The following WDR70 variants were observed in gnomAD, a reference collection of about 807,000 sequenced individuals.
WDR70 encodes the protein WD repeat domain 70.
WDR70 carries 53 observed loss-of-function variants against 88.6 expected under a neutral mutation model. The observed-to-expected ratio is 0.60, with a 90% CI of 0.48 to 0.75. The LOEUF (loss-of-function observed/expected upper bound fraction) is 0.75. Ranked by LOEUF, WDR70 falls within the 30% of genes least tolerant of loss-of-function variation. WDR70 has a pLI of 0.00. For synonymous variants in WDR70, 280 were observed against 270.0 expected (o/e 1.04, Z -0.36); for missense variants, 610 against 823.2 (o/e 0.74, Z 3.17).
chr5:37,644,410 A>G lies in WDR70; in HGVS notation c.1092+39172A>G, dbSNP rs1745181430. Among the ~76,000 whole-genome samples the G allele has an allele frequency of 2.0e-5, 3 of 151,994 alleles. No individual in the cohort carries two copies. In the South Asian group the frequency reaches 6.2e-4, roughly 32 times the overall value. On this transcript the variant is annotated intron_variant, in intron 10 of 17. Coordinates refer to ENST00000265107, the MANE Select transcript of WDR70 (RefSeq NM_018034.4). Reference sequence around the variant, plus strand: ...GTATTTTCTGGAGGGTTTTTGCATCAACATTCATCAGTGATATTGGCCCAT... The same window carrying G: ...GTATTTTCTGGAGGGTTTTTGCATCGACATTCATCAGTGATATTGGCCCAT...
chr5:37,407,105 C>T (rs1749377107), intron 5 of WDR70, among the ~76,000 whole-genome samples: 2 of 152,124 alleles, frequency 1.3e-5, no homozygotes, highest in African/African-American at 4.8e-5. Context: ...TTGCAGTGAG[C>T]CAGCCATGAT....
chr5:37,752,636 T>G lies in WDR70; in HGVS notation c.*63T>G, dbSNP rs1748849024. Reference sequence around the variant, plus strand: ...GGTATGGGACAGGTTTGGGTTTTTTTTTTATGCTCATGAAATTAAAAATTC... The same window carrying G: ...GGTATGGGACAGGTTTGGGTTTTTTGTTTATGCTCATGAAATTAAAAATTC... On this transcript the variant is annotated 3_prime_UTR_variant, in exon 18 of 18. Transcript: ENST00000265107. 8.5e-7 allele frequency: 1 copy of G among 1,174,616 alleles called. No homozygotes were observed. The highest frequency in any genetic ancestry group is 1.4e-5 in the South Asian group (1 of 70,582). 72.8% of individuals were successfully genotyped at this position (1,174,616 alleles called of 1,614,324 possible).
chr5:37,622,004 G>GT (rs1744519064), intron 10 of WDR70, among the ~76,000 whole-genome samples: 1 of 152,080 alleles, frequency 6.6e-6, no homozygotes, highest in African/African-American at 2.4e-5. Flanking sequence ...CCCATTTCTT[G>GT]TTTTTGTCAG....
chr5:37,738,317 A>ATG (rs1021673476), intron 17 of WDR70, among the ~76,000 whole-genome samples: 72 of 152,314 alleles, frequency 4.7e-4, no homozygotes, highest in African/African-American at 1.6e-3. Context: ...TCATGTGCTG[A>ATG]TGACTAAGTA....
At chr5:37,530,747 CTA>C (rs1388536226) in intron 9 of WDR70, among the ~76,000 whole-genome samples, 3 of 146,670 alleles carry the variant, frequency 2.0e-5, no homozygotes, top group African/African-American at 7.6e-5. Context: ...TTTCAATAAA[CTA>C]GCTTTTTGTT....
chr5:37,625,306 G>A (rs1744631088), intron 10 of WDR70, among the ~76,000 whole-genome samples: 1 of 152,064 alleles, frequency 6.6e-6, no homozygotes, highest in Non-Finnish European at 1.5e-5. Context: ...TAGTGTATGA[G>A]TTCCCTTTTC....
intron 8 of WDR70, among the ~76,000 whole-genome samples, chr5:37,505,534 C>A (rs1172649343): frequency 6.6e-6 from 1 of 152,002 alleles, no homozygotes; most frequent in Non-Finnish European, 1.5e-5. Flanking sequence ...AATTTTTTCC[C>A]TTATGCACCG....
intron 9 of WDR70, among the ~76,000 whole-genome samples, chr5:37,591,928 TC>T (rs1743541620): frequency 6.6e-6 from 1 of 152,328 alleles, no homozygotes; most frequent in South Asian, 2.1e-4. Flanking sequence ...AAAAGGTATA[TC>T]ATCATCTCAA....
At chr5:37,479,329 A>AC (rs1317086359) in intron 7 of WDR70, 1 of 151,602 alleles carries the variant, frequency 6.6e-6, no homozygotes, top group African/African-American at 2.4e-5. Flanking sequence ...AGAGAGAGCT[A>AC]CCAGAATAGC....
intron 9 of WDR70, among the ~76,000 whole-genome samples, chr5:37,600,981 C>G (rs1386881390): frequency 6.6e-6 from 1 of 152,054 alleles, no homozygotes. Context: ...ATAATGTTAA[C>G]AAAAAACAGA....
chr5:37,556,137 C>T, intron 9 of WDR70, among the ~76,000 whole-genome samples: 1 of 93,076 alleles, frequency 1.1e-5, no homozygotes, highest in Non-Finnish European at 2.7e-5. Flanking sequence ...GATTTTCTTC[C>T]TCTTTTTTTT....
intron 3 of WDR70, among the ~76,000 whole-genome samples, chr5:37,390,271 G>A (rs6889803): frequency 0.025 from 3,797 of 150,442 alleles, 155 homozygotes; most frequent in African/African-American, 0.088. Context: ...TATAGTGAAA[G>A]CAAGTTTATT....
chr5:37,707,715 GACCAGCCTGTCCAAC>G (rs1486889945), intron 13 of WDR70, among the ~76,000 whole-genome samples: 2 of 151,234 alleles, frequency 1.3e-5, no homozygotes, highest in Non-Finnish European at 2.9e-5. Context: ...AGGAGTTCAA[GACCAGCCTGTCCAAC>G]ATGATGAACC....
intron 7 of WDR70, among the ~76,000 whole-genome samples, chr5:37,444,864 A>G (rs1460171627): frequency 6.6e-6 from 1 of 152,150 alleles, no homozygotes; most frequent in East Asian, 1.9e-4. Flanking sequence ...TTAGATTCTA[A>G]TATGGATTGT....
intron 9 of WDR70, among the ~76,000 whole-genome samples, chr5:37,578,199 GA>G (rs528343974): frequency 2.7e-4 from 41 of 152,336 alleles, no homozygotes; most frequent in Admixed American, 1.1e-3. Context: ...GAGAAGGGAA[GA>G]AGTGTGGAGA....
At chr5:37,428,420 A>G (rs2112014857) in intron 5 of WDR70, among the ~76,000 whole-genome samples, 1 of 152,330 alleles carries the variant, frequency 6.6e-6, no homozygotes, top group South Asian at 2.1e-4. Context: ...CCTTGCTGTC[A>G]ATCCATTTTT....
At position 37,441,286 on chromosome 5, in the gene WDR70, A is replaced by G. The variant is rs571226950; in HGVS notation, c.553-1953A>G. 1.8e-3 allele frequency among the ~76,000 whole-genome samples: 272 copies of G among 152,326 alleles called. 1 individual carries two copies. The highest frequency in any genetic ancestry group is 6.4e-3 in the African/African-American group (267 of 41,578). ...TTTTTTAAGACATTATTGTTCGGGC[A>G]TAAAAAATGACTTTGTTTTCACTTG... On this transcript the variant is annotated intron_variant, in intron 6 of 17. Coordinates refer to ENST00000265107, the MANE Select transcript of WDR70 (RefSeq NM_018034.4).
intron 9 of WDR70, among the ~76,000 whole-genome samples, chr5:37,524,286 C>G (rs1741189970): frequency 6.6e-6 from 1 of 152,202 alleles, no homozygotes; most frequent in Non-Finnish European, 1.5e-5. Context: ...GATTTCTCGG[C>G]AGAAGCTCTA....
chr5:37,634,695 T>C (rs1323927290), intron 10 of WDR70, among the ~76,000 whole-genome samples: 1 of 151,942 alleles, frequency 6.6e-6, no homozygotes, highest in Non-Finnish European at 1.5e-5. Context: ...GAGAACAGAG[T>C]GTACTAAAGT....
Sources: allele counts gnomAD v4.1 joint callset (sites outside exome capture counted in the v4.1 genomes callset), GRCh38; gene constraint gnomAD v4.1.1; transcripts MANE v1.5; gene names NCBI Gene and HGNC (gene_info 2026-07-23, HGNC 2026-07-21).